Variants in SPOPL observed in about 807,000 individuals in gnomAD.
SPOPL encodes speckle-type POZ protein-like.
A neutral mutation model predicts 53.8 loss-of-function variants in SPOPL; 23 were observed. That is an observed-to-expected ratio of 0.43 (90% CI 0.31 to 0.61). The LOEUF is 0.61. SPOPL is among the 20% of genes least tolerant of loss of function. The probability of loss-of-function intolerance (pLI) is 0.12; values close to 1 mark genes in which losing one functional copy is unlikely to be tolerated. For missense variants in SPOPL, 442 were observed against 466.9 expected, an observed-to-expected ratio of 0.95 and a Z score of 0.49; for synonymous variants, 164 against 149.7, an observed-to-expected ratio of 1.10 and a Z score of -0.70.
rs58483992 is a variant in SPOPL at position 138,529,498 on chromosome 2, C to CTGTGTGTGTG, written c.-60-20631_-60-20622dup. On this transcript the variant is annotated intron_variant, in intron 1 of 10. Transcript: ENST00000280098. ...TATGTGTGTGTGTGTATGCATGTGC[C>CTGTGTGTGTG]TGTGTGTGTGTGTGTGTGTGTGTGT... Among the ~76,000 whole-genome samples, 142 of 147,688 alleles carry CTGTGTGTGTG rather than the reference C, an allele frequency of 9.6e-4. 1 individual carries two copies. The highest frequency in any genetic ancestry group is 5.0e-3 in the East Asian group (25 of 4,974).
chr2:138,556,459 A>G (rs1685425753), intron 5 of SPOPL, among the ~76,000 whole-genome samples: 1 of 152,226 alleles, frequency 6.6e-6, no homozygotes, highest in African/African-American at 2.4e-5. Flanking sequence ...CATTGAACAG[A>G]TCCAGTTTTT....
intron 5 of SPOPL, among the ~76,000 whole-genome samples, chr2:138,558,200 G>A (rs1256405558): frequency 2.6e-5 from 4 of 152,022 alleles, no homozygotes; most frequent in Admixed American, 1.3e-4. Flanking sequence ...TTAAAAAGTG[G>A]TGTGCAAGAC....
At position 138,530,162 on chromosome 2, in the gene SPOPL, A is replaced by T. The variant is rs146074097; in HGVS notation, c.-60-19995A>T. On this transcript the variant is annotated intron_variant, in intron 1 of 10. Transcript: ENST00000280098. ...GCAAAGGATATGATCTTGTTCTTTTATGTGGCTGTGTAGTATTCTGTGGTG... is the reference window on the plus strand; with the variant it reads ...GCAAAGGATATGATCTTGTTCTTTTTTGTGGCTGTGTAGTATTCTGTGGTG... Among the ~76,000 whole-genome samples the T allele has an allele frequency of 9.1e-3, 1,383 of 152,220 alleles. 18 individuals are homozygous for T. Among genetic ancestry groups the T allele is most frequent in the African/African-American group, 0.032 (1,310 of 41,532 alleles).
intron 1 of SPOPL, among the ~76,000 whole-genome samples, chr2:138,538,119 T>A (rs1393615494): frequency 6.6e-6 from 1 of 152,176 alleles, no homozygotes; most frequent in Non-Finnish European, 1.5e-5. Flanking sequence ...TCGAGACTTG[T>A]TTTGTGGCCT....
rs1428341584 is a variant in SPOPL, at chr2:138,564,950, C to T, written c.991C>T (p.Leu331Phe). 5 of 1,614,020 alleles carry T rather than the reference C, an allele frequency of 3.1e-6. No individual in the cohort carries two copies. In the South Asian group the frequency reaches 4.4e-5, roughly 14 times the overall value. The stretch of plus-strand genomic sequence containing the variant: ...AAATCTTCAATGCAGGTGCAGTGTA[C>T]TTCGACAACTTGGGTGTAAAGATGG... ...AIDFINRCSVLRQLGCKDGKN... is the reference protein window; with the variant it reads ...AIDFINRCSVFRQLGCKDGKN... The change falls in exon 10 of 11, where the codon CTT (leucine) becomes TTT (phenylalanine). Residue 331 changes from leucine (L) to phenylalanine (F), a missense_variant. Leu to Phe is a conservative substitution (Grantham distance 22). Coordinates refer to ENST00000280098, the MANE Select transcript of SPOPL (RefSeq NM_001001664.3).
intron 1 of SPOPL, among the ~76,000 whole-genome samples, chr2:138,528,194 C>T (rs779028574): frequency 3.2e-4 from 48 of 152,156 alleles, no homozygotes; most frequent in Admixed American, 6.5e-4. Context: ...CTACAACTGC[C>T]ACCCTTGGGG....
intron 1 of SPOPL, among the ~76,000 whole-genome samples, chr2:138,516,710 A>G (rs1351520769): frequency 6.6e-6 from 1 of 152,210 alleles, no homozygotes; most frequent in Non-Finnish European, 1.5e-5. Flanking sequence ...AGGGTATAGC[A>G]TTTGACTCAC....
intron 1 of SPOPL, among the ~76,000 whole-genome samples, chr2:138,535,835 T>C (rs1317853387): frequency 6.6e-6 from 1 of 152,160 alleles, no homozygotes; most frequent in Non-Finnish European, 1.5e-5. Context: ...TTCATATTTT[T>C]CTGTCTGGAT....
chr2:138,526,316 T>A (rs1684674380), intron 1 of SPOPL, among the ~76,000 whole-genome samples: 2 of 152,300 alleles, frequency 1.3e-5, no homozygotes, highest in South Asian at 2.1e-4. Context: ...TGTTGTTGTT[T>A]CCTACTTTTC....
At chr2:138,522,417 C>G (rs556081693) in intron 1 of SPOPL, among the ~76,000 whole-genome samples, 12 of 152,220 alleles carry the variant, frequency 7.9e-5, no homozygotes, top group Admixed American at 3.3e-4. Context: ...GGTAAGTAAA[C>G]TATAAGGTAA....
At position 138,569,074 on chromosome 2, in the gene SPOPL, G is replaced by A; in HGVS notation, c.1173G>A (p.Gln391=). ...QFGIPRKRLK[Q]S is the part of the protein sequence containing the mutation. ...GCATTCCACGCAAACGGCTAAAACAGTCCTGAAATCTTCCATGAACAGTTG... is the reference window on the plus strand; with the variant it reads ...GCATTCCACGCAAACGGCTAAAACAATCCTGAAATCTTCCATGAACAGTTG... Residue 391 remains glutamine (Q), a synonymous_variant, in exon 11 of 11, where the codon CAG becomes CAA. Coordinates refer to ENST00000280098, the MANE Select transcript of SPOPL (RefSeq NM_001001664.3). 6.2e-7 allele frequency: 1 copy of A among 1,612,210 alleles called. No homozygotes were observed. The highest frequency in any genetic ancestry group is 8.5e-7 in the Non-Finnish European group (1 of 1,179,542).
At chr2:138,532,782 G>C (rs1684841794) in intron 1 of SPOPL, among the ~76,000 whole-genome samples, 1 of 151,922 alleles carries the variant, frequency 6.6e-6, no homozygotes, top group Non-Finnish European at 1.5e-5. Flanking sequence ...TGAAATGTCA[G>C]CCCACCTTTA....
At chr2:138,547,698 A>T (rs1407310760) in intron 1 of SPOPL, among the ~76,000 whole-genome samples, 1 of 152,178 alleles carries the variant, frequency 6.6e-6, no homozygotes, top group African/African-American at 2.4e-5. Context: ...ATAAGAAAAA[A>T]ATCTCATCAG....
At chr2:138,527,279 T>C (rs1034112755) in intron 1 of SPOPL, among the ~76,000 whole-genome samples, 1 of 152,166 alleles carries the variant, frequency 6.6e-6, no homozygotes, top group African/African-American at 2.4e-5. Context: ...GGAAATAATC[T>C]TGTGTTTTTC....
Position 138,572,489 on chromosome 2 carries a change from G to A in SPOPL, c.*3409G>A, listed in dbSNP as rs1396819135. ...CCCAGTGTTACTAAAATAGAACAGG[G>A]ATTGTGAAAATCCAGCTCAACATAC... On this transcript the variant is annotated 3_prime_UTR_variant, in exon 11 of 11. Coordinates refer to ENST00000280098, the MANE Select transcript of SPOPL (RefSeq NM_001001664.3). 1.3e-5 allele frequency: 2 copies of A among 152,342 alleles called. No homozygotes were observed. Among genetic ancestry groups the A allele is most frequent in the African/African-American group, 2.4e-5 (1 of 41,414 alleles). 9.4% of individuals were successfully genotyped at this position (152,342 alleles called of 1,614,324 possible).
intron 1 of SPOPL, among the ~76,000 whole-genome samples, chr2:138,513,554 A>T (rs984218357): frequency 1.3e-5 from 2 of 152,032 alleles, no homozygotes; most frequent in Non-Finnish European, 2.9e-5. Context: ...CATCTTAAAA[A>T]AATGATAAAA....
At chr2:138,520,787 TA>T (rs369260806) in intron 1 of SPOPL, among the ~76,000 whole-genome samples, 170 of 152,366 alleles carry the variant, frequency 1.1e-3, no homozygotes, top group African/African-American at 3.9e-3. Context: ...TGGCCCATTG[TA>T]GTTTACTACC....
chr2:138,554,069 T>C (rs1192079038), intron 5 of SPOPL, among the ~76,000 whole-genome samples: 2 of 39,284 alleles, frequency 5.1e-5, no homozygotes, highest in African/African-American at 7.5e-5. Context: ...AAAATACCTT[T>C]TTTTTTTTTT....
intron 1 of SPOPL, among the ~76,000 whole-genome samples, chr2:138,530,056 A>C (rs114495782): frequency 0.018 from 2,685 of 152,240 alleles, 75 homozygotes; most frequent in African/African-American, 0.062. Context: ...GCCACTTACA[A>C]GTGAGAACCT....
Sources: gnomAD v4.1 joint callset for allele counts (sites outside exome capture counted in the v4.1 genomes callset) on GRCh38, gnomAD v4.1.1 for gene constraint, MANE v1.5 for transcripts, NCBI Gene and HGNC (gene_info 2026-07-23, HGNC 2026-07-21) for gene names.